Variants in NKAIN2 observed in about 807,000 individuals in gnomAD.
NKAIN2 encodes the protein sodium/potassium-transporting ATPase subunit beta-1-interacting protein 2.
A neutral mutation model predicts 32.6 loss-of-function variants in NKAIN2; 14 were observed. That is an observed-to-expected ratio of 0.43 (90% CI 0.28 to 0.67). The LOEUF is 0.67. Ranked by LOEUF, NKAIN2 falls within the 30% of genes least tolerant of loss-of-function variation. The probability of loss-of-function intolerance (pLI) is 0.17; values close to 1 mark genes in which losing one functional copy is unlikely to be tolerated. For missense variants in NKAIN2, 198 were observed against 258.3 expected, an observed-to-expected ratio of 0.77 and a Z score of 1.60; for synonymous variants, 80 against 87.2, an observed-to-expected ratio of 0.92 and a Z score of 0.46.
At chr6:124,053,568 T>A (rs1782507798) in intron 1 of NKAIN2, among the ~76,000 whole-genome samples, 1 of 151,938 alleles carries the variant, frequency 6.6e-6, no homozygotes, top group Non-Finnish European at 1.5e-5. Context: ...GGAGAGGCAG[T>A]TTTCTTATCT....
chr6:124,510,966 T>C (rs1778687148), intron 3 of NKAIN2, among the ~76,000 whole-genome samples: 1 of 152,202 alleles, frequency 6.6e-6, no homozygotes, highest in Non-Finnish European at 1.5e-5. Flanking sequence ...AACAATACAT[T>C]CATCTCAATA....
intron 4 of NKAIN2, among the ~76,000 whole-genome samples, chr6:124,674,388 T>C (rs1415455932): frequency 6.6e-6 from 1 of 151,958 alleles, no homozygotes; most frequent in Non-Finnish European, 1.5e-5. Flanking sequence ...TTTCTATTTC[T>C]GCAAAAAAGA....
intron 1 of NKAIN2, among the ~76,000 whole-genome samples, chr6:123,989,244 G>T (rs762328783): frequency 6.6e-6 from 1 of 152,112 alleles, no homozygotes; most frequent in African/African-American, 2.4e-5. Flanking sequence ...TTCAAATCAG[G>T]TGGTTTACAA....
At chr6:124,565,608 T>C (rs924700169) in intron 3 of NKAIN2, among the ~76,000 whole-genome samples, 1 of 152,204 alleles carries the variant, frequency 6.6e-6, no homozygotes, top group African/African-American at 2.4e-5. Flanking sequence ...TAGAGTTCCT[T>C]GATTTTATAA....
At chr6:124,643,329 T>C (rs1784058055) in intron 3 of NKAIN2, among the ~76,000 whole-genome samples, 1 of 152,204 alleles carries the variant, frequency 6.6e-6, no homozygotes, top group Admixed American at 6.5e-5. Flanking sequence ...ATACAAGTTG[T>C]ATATCTATAG....
At chr6:124,203,501 T>A (rs1041443828) in intron 1 of NKAIN2, among the ~76,000 whole-genome samples, 3 of 151,916 alleles carry the variant, frequency 2.0e-5, no homozygotes, top group Non-Finnish European at 4.4e-5. Context: ...TTCTAATTTT[T>A]AAAATTTTTT....
intron 1 of NKAIN2, among the ~76,000 whole-genome samples, chr6:123,915,284 T>G (rs2114472547): frequency 6.6e-6 from 1 of 152,258 alleles, no homozygotes; most frequent in Admixed American, 6.5e-5. Context: ...CTCGTTTATT[T>G]TGGATATTTT....
chr6:124,754,411 G>A (rs757925557), intron 4 of NKAIN2, among the ~76,000 whole-genome samples: 1 of 151,772 alleles, frequency 6.6e-6, no homozygotes, highest in South Asian at 2.1e-4. Flanking sequence ...GGGTTAACAT[G>A]AAATGTTAAC....
At chr6:123,990,371 G>T (rs1214133082) in intron 1 of NKAIN2, among the ~76,000 whole-genome samples, 1 of 152,122 alleles carries the variant, frequency 6.6e-6, no homozygotes, top group Non-Finnish European at 1.5e-5. Context: ...CATATTTTTA[G>T]TATGCTACAA....
chr6:124,388,913 T>A (rs1773028516), intron 3 of NKAIN2, among the ~76,000 whole-genome samples: 1 of 152,104 alleles, frequency 6.6e-6, no homozygotes, highest in African/African-American at 2.4e-5. Context: ...TACTGACTAC[T>A]GTTTCAAAGT....
chr6:124,198,614 T>C (rs1426313920), intron 1 of NKAIN2, among the ~76,000 whole-genome samples: 1 of 151,850 alleles, frequency 6.6e-6, no homozygotes, highest in Non-Finnish European at 1.5e-5. Flanking sequence ...TCCTCAGCCG[T>C]GGTATATCTT....
At chr6:123,873,516 T>A (rs1008915601) in intron 1 of NKAIN2, among the ~76,000 whole-genome samples, 2 of 152,200 alleles carry the variant, frequency 1.3e-5, no homozygotes, top group Non-Finnish European at 2.9e-5. Context: ...ACGTGATCTT[T>A]ATATTTTTGA....
chr6:124,366,607 G>A (rs910400049), intron 3 of NKAIN2, among the ~76,000 whole-genome samples: 3 of 152,008 alleles, frequency 2.0e-5, no homozygotes, highest in Admixed American at 1.3e-4. Context: ...TACTTATTGA[G>A]GATACGTGTG....
At chr6:124,653,086 A>G (rs1249536714) in intron 3 of NKAIN2, among the ~76,000 whole-genome samples, 1 of 152,204 alleles carries the variant, frequency 6.6e-6, no homozygotes, top group Non-Finnish European at 1.5e-5. Context: ...AGTTAATCCC[A>G]GCTTGATCGA....
At chr6:124,729,918 GACAA>G (rs1159499849) in intron 4 of NKAIN2, among the ~76,000 whole-genome samples, 10 of 150,338 alleles carry the variant, frequency 6.7e-5, no homozygotes, top group Admixed American at 4.7e-4. Flanking sequence ...ACCAGCAACA[GACAA>G]ACAGAGAGCC....
intron 1 of NKAIN2, among the ~76,000 whole-genome samples, chr6:123,818,048 G>T (rs931562068): frequency 6.6e-6 from 1 of 152,054 alleles, no homozygotes; most frequent in Non-Finnish European, 1.5e-5. Context: ...AGTAAAAACC[G>T]CTGATGAATA....
intron 1 of NKAIN2, among the ~76,000 whole-genome samples, chr6:124,179,177 G>C (rs1562404722): frequency 6.6e-6 from 1 of 152,222 alleles, no homozygotes; most frequent in Non-Finnish European, 1.5e-5. Flanking sequence ...CAAATAATTA[G>C]ATCTTAGTAG....
intron 1 of NKAIN2, among the ~76,000 whole-genome samples, chr6:123,891,147 TAGAG>T (rs998688654): frequency 1.3e-5 from 2 of 152,084 alleles, no homozygotes; most frequent in Non-Finnish European, 2.9e-5. Flanking sequence ...GGCAAATTAA[TAGAG>T]GGACAGAAAA....
At chr6:124,320,859 C>G (rs934700087) in intron 2 of NKAIN2, among the ~76,000 whole-genome samples, 6 of 152,124 alleles carry the variant, frequency 3.9e-5, no homozygotes, top group Admixed American at 6.6e-5. Context: ...CTAATTGCTT[C>G]TTTTATAAAC....
Sources: allele counts gnomAD v4.1 joint callset (sites outside exome capture counted in the v4.1 genomes callset), GRCh38; gene constraint gnomAD v4.1.1; transcripts MANE v1.5; gene names NCBI Gene and HGNC (gene_info 2026-07-23, HGNC 2026-07-21).